Variants in PTPRD observed in about 807,000 individuals in gnomAD.
PTPRD encodes the protein receptor-type tyrosine-protein phosphatase delta.
In PTPRD, 34 loss-of-function variants were observed where a neutral mutation model predicts 214.5. That is an observed-to-expected ratio of 0.16 (90% confidence interval 0.12 to 0.21). The LOEUF is 0.21. PTPRD is among the 10% of genes least tolerant of loss of function. PTPRD has a pLI of 1.00. For missense variants in PTPRD, 2,545 were observed against 2,398.7 expected (o/e 1.06, Z -1.27); for synonymous variants, 1,128 against 845.7 (o/e 1.33, Z -5.79).
At chr9:9,861,421 G>T (rs2062751766) in intron 5 of PTPRD, among the ~76,000 whole-genome samples, 1 of 152,226 alleles carries the variant, frequency 6.6e-6, no homozygotes, top group East Asian at 1.9e-4. Flanking sequence ...CTCCCGAGTA[G>T]CTGGGACTAC....
intron 9 of PTPRD, among the ~76,000 whole-genome samples, chr9:9,287,425 C>A (rs1220902546): frequency 1.3e-5 from 2 of 151,838 alleles, no homozygotes; most frequent in Non-Finnish European, 1.5e-5. Flanking sequence ...CTCAAGTTTG[C>A]AGATTACCAG....
intron 9 of PTPRD, among the ~76,000 whole-genome samples, chr9:9,388,013 C>T (rs971837028): frequency 1.6e-4 from 24 of 152,180 alleles, no homozygotes; most frequent in Middle Eastern, 3.4e-3. Flanking sequence ...TTCTGTATCC[C>T]GGAGTTTCTT....
intron 12 of PTPRD, among the ~76,000 whole-genome samples, chr9:8,702,196 G>A (rs377173306): frequency 5.9e-5 from 9 of 151,722 alleles, no homozygotes; most frequent in African/African-American, 2.2e-4. Flanking sequence ...TGGGTCAGCA[G>A]TTGGTCTACG....
At chr9:9,916,129 A>G (rs2080726090) in intron 5 of PTPRD, among the ~76,000 whole-genome samples, 1 of 151,986 alleles carries the variant, frequency 6.6e-6, no homozygotes, top group African/African-American at 2.4e-5. Flanking sequence ...ATATTCAGCA[A>G]AACCATCTTT....
At chr9:9,271,065 G>C (rs1182588467) in intron 9 of PTPRD, among the ~76,000 whole-genome samples, 3 of 151,224 alleles carry the variant, frequency 2.0e-5, no homozygotes, top group Non-Finnish European at 3.0e-5. Context: ...TCCAGGTGGA[G>C]ATAAGGAGGA....
intron 11 of PTPRD, among the ~76,000 whole-genome samples, chr9:8,795,378 T>C (rs751774276): frequency 3.3e-5 from 5 of 152,064 alleles, no homozygotes; most frequent in Non-Finnish European, 7.4e-5. Context: ...CGGTTGGCCA[T>C]GCTGATCTCG....
chr9:10,585,890 G>A (rs1329247260), intron 2 of PTPRD, among the ~76,000 whole-genome samples: 1 of 151,908 alleles, frequency 6.6e-6, no homozygotes, highest in Non-Finnish European at 1.5e-5. Context: ...CAACATGCAT[G>A]GGAAAGTCAT....
At chr9:10,393,584 A>G (rs890363246) in intron 2 of PTPRD, among the ~76,000 whole-genome samples, 4 of 150,690 alleles carry the variant, frequency 2.7e-5, no homozygotes, top group African/African-American at 9.7e-5. Flanking sequence ...TAAGACCAGG[A>G]GTTCAAGGCT....
At chr9:9,911,970 A>C (rs1601851926) in intron 5 of PTPRD, among the ~76,000 whole-genome samples, 1 of 152,128 alleles carries the variant, frequency 6.6e-6, no homozygotes, top group East Asian at 1.9e-4. Flanking sequence ...AATTCATTAG[A>C]CTTAAAAGTA....
At chr9:10,566,068 C>A (rs1168347753) in intron 2 of PTPRD, among the ~76,000 whole-genome samples, 1 of 151,798 alleles carries the variant, frequency 6.6e-6, no homozygotes, top group Non-Finnish European at 1.5e-5. Context: ...GTCTTTTATT[C>A]AATATCATGT....
At chr9:10,025,637 A>G (rs751193566) in intron 4 of PTPRD, among the ~76,000 whole-genome samples, 1 of 152,208 alleles carries the variant, frequency 6.6e-6, no homozygotes, top group Non-Finnish European at 1.5e-5. Flanking sequence ...CAAATTTTAG[A>G]GAAATCTGAG....
At chr9:9,732,657 A>G (rs1211257558) in intron 7 of PTPRD, among the ~76,000 whole-genome samples, 1 of 152,188 alleles carries the variant, frequency 6.6e-6, no homozygotes, top group South Asian at 2.1e-4. Flanking sequence ...TGCTACCTAA[A>G]ATACCCCAGT....
chr9:8,612,265 G>A (rs2037979073), intron 14 of PTPRD, among the ~76,000 whole-genome samples: 1 of 152,158 alleles, frequency 6.6e-6, no homozygotes, highest in Non-Finnish European at 1.5e-5. Context: ...CATCCAGTAA[G>A]TATATTTATA....
chr9:9,791,813 T>A (rs962000155), intron 5 of PTPRD, among the ~76,000 whole-genome samples: 3 of 152,206 alleles, frequency 2.0e-5, no homozygotes, highest in Non-Finnish European at 4.4e-5. Context: ...TATGGGAAGT[T>A]ATAAGCTATC....
intron 2 of PTPRD, among the ~76,000 whole-genome samples, chr9:10,518,884 T>C (rs2051125197): frequency 6.6e-6 from 1 of 152,062 alleles, no homozygotes; most frequent in Non-Finnish European, 1.5e-5. Context: ...AACAGCCATT[T>C]CAAAATAATT....
intron 3 of PTPRD, among the ~76,000 whole-genome samples, chr9:10,111,778 A>T (rs2098693751): frequency 6.6e-6 from 1 of 152,170 alleles, no homozygotes; most frequent in African/African-American, 2.4e-5. Flanking sequence ...CCTGCAAGTA[A>T]ATTTCACTGC....
intron 2 of PTPRD, among the ~76,000 whole-genome samples, chr9:10,578,140 C>T (rs778650644): frequency 6.6e-6 from 1 of 152,012 alleles, no homozygotes; most frequent in Non-Finnish European, 1.5e-5. Flanking sequence ...AAACTCCTGA[C>T]CTCAGGTGAT....
chr9:9,010,721 C>T lies in PTPRD; in HGVS notation c.-104+7976G>A, dbSNP rs191913944. Among the ~76,000 whole-genome samples, 12 of 152,236 alleles carry T rather than the reference C, an allele frequency of 7.9e-5. No homozygotes were observed. In the East Asian group the frequency reaches 2.1e-3, roughly 27 times the overall value. The stretch of plus-strand genomic sequence containing the variant: ...ATGATCCTTGATCCTTTCATCTTGT[C>T]CATCCCTCTGTAAATAGTCAATTTA... On this transcript the variant is annotated intron_variant, in intron 11 of 45. Transcript: ENST00000381196.
At chr9:9,428,579 C>A (rs570151176) in intron 8 of PTPRD, among the ~76,000 whole-genome samples, 1 of 152,202 alleles carries the variant, frequency 6.6e-6, no homozygotes, top group African/African-American at 2.4e-5. Flanking sequence ...GAACTCTCCA[C>A]CCCAAATCAA....
Sources: gnomAD v4.1 joint callset for allele counts (sites outside exome capture counted in the v4.1 genomes callset) on GRCh38, gnomAD v4.1.1 for gene constraint, MANE v1.5 for transcripts, NCBI Gene and HGNC (gene_info 2026-07-23, HGNC 2026-07-21) for gene names.